The following DOCK2 variants were observed in gnomAD, a reference collection of about 807,000 sequenced individuals.
The protein encoded by DOCK2 is dedicator of cytokinesis protein 2.
In DOCK2, 87 loss-of-function variants were observed where a neutral mutation model predicts 248.9. The ratio of observed to expected loss-of-function variants is 0.35; its 90% CI spans 0.29 to 0.42. The LOEUF (loss-of-function observed/expected upper bound fraction) is 0.42. Ranked by LOEUF, DOCK2 falls within the 10% of genes least tolerant of loss-of-function variation. DOCK2 has a pLI of 1.00. For missense variants in DOCK2, 1,747 were observed against 2,300.2 expected (o/e 0.76, Z 4.92); for synonymous variants, 805 against 821.6 (o/e 0.98, Z 0.35).
intron 27 of DOCK2, among the ~76,000 whole-genome samples, chr5:169,854,006 T>G (rs1372915505): frequency 2.0e-5 from 3 of 150,728 alleles, no homozygotes; most frequent in Admixed American, 2.0e-4. Context: ...GGGCTAATTT[T>G]TTGTGTTATT....
At chr5:169,706,576 C>G (rs1490148269) in intron 14 of DOCK2, among the ~76,000 whole-genome samples, 1 of 152,156 alleles carries the variant, frequency 6.6e-6, no homozygotes, top group Non-Finnish European at 1.5e-5. Context: ...AAAGCCCACT[C>G]TAAATGGTTA....
chr5:169,936,578 C>CTTTT lies in DOCK2; in HGVS notation c.2800-46472_2800-46469dup, dbSNP rs4041977. Among the ~76,000 whole-genome samples, 764 of 122,784 alleles carry CTTTT rather than the reference C, an allele frequency of 6.2e-3. 12 individuals are homozygous for CTTTT. Among genetic ancestry groups the CTTTT allele is most frequent in the African/African-American group, 0.023 (701 of 31,038 alleles). The allele number at this position is 122,784 out of a possible 152,430, so 80.6% of individuals were successfully genotyped here. A position where few individuals can be genotyped will look rare whatever the true frequency, so the allele number is the denominator to read the frequency against. On this transcript the variant is annotated intron_variant, in intron 27 of 51. Transcript: ENST00000520908. ...AGAATCATTGGTGATTCTCAGACTC[C>CTTTT]TTTTTTTTTTTTTTTTTTTTTATGA... is the stretch of plus-strand genomic sequence containing the variant.
At chr5:169,666,172 C>A (rs1758718975) in intron 2 of DOCK2, among the ~76,000 whole-genome samples, 1 of 152,088 alleles carries the variant, frequency 6.6e-6, no homozygotes, top group South Asian at 2.1e-4. Context: ...GTGTTCTTGT[C>A]ATAGCCTCTC....
chr5:169,890,022 C>T lies in DOCK2; in HGVS notation c.2799+49170C>T, dbSNP rs557806291. 1.1e-4 allele frequency among the ~76,000 whole-genome samples: 16 copies of T among 152,328 alleles called. No individual in the cohort carries two copies. In the East Asian group the frequency reaches 3.1e-3, roughly 29 times the overall value. On this transcript the variant is annotated intron_variant, in intron 27 of 51. Transcript: ENST00000520908. ...AAGCATTTTCAAATCCCATGTAATC[C>T]CCACTAGGGAGGCTGGGAAGCATTA...
At chr5:169,991,537 T>C (rs1054226075) in intron 29 of DOCK2, among the ~76,000 whole-genome samples, 1 of 152,226 alleles carries the variant, frequency 6.6e-6, no homozygotes, top group Non-Finnish European at 1.5e-5. Flanking sequence ...TGTCCAGGCT[T>C]GGGTATTTCC....
intron 26 of DOCK2, among the ~76,000 whole-genome samples, chr5:169,838,902 G>A (rs753634382): frequency 2.0e-4 from 30 of 152,146 alleles, no homozygotes; most frequent in Admixed American, 1.3e-3. Flanking sequence ...ATTGGGGCAG[G>A]GGGAGGACAT....
chr5:169,659,057 G>A (rs1337852341), intron 2 of DOCK2, among the ~76,000 whole-genome samples: 1 of 148,954 alleles, frequency 6.7e-6, no homozygotes, highest in African/African-American at 2.5e-5. Context: ...TCTCTTTGTT[G>A]CCCAGTCTGG....
intron 27 of DOCK2, chr5:169,864,586 C>G (rs2113422730): frequency 1.4e-6 from 1 of 738,406 alleles, no homozygotes; most frequent in East Asian, 2.8e-5. Flanking sequence ...CCTTAGGTAC[C>G]TACTGGCTCT....
At chr5:169,914,447 G>A (rs1774768816) in intron 27 of DOCK2, among the ~76,000 whole-genome samples, 1 of 152,170 alleles carries the variant, frequency 6.6e-6, no homozygotes, top group Non-Finnish European at 1.5e-5. Context: ...ACAGGCTCCT[G>A]TTTTATGGGG....
chr5:169,715,593 T>C (rs1761852599), intron 19 of DOCK2, among the ~76,000 whole-genome samples: 1 of 151,480 alleles, frequency 6.6e-6, no homozygotes, highest in Non-Finnish European at 1.5e-5. Context: ...GCATTCTTTT[T>C]TCTTTTTTTT....
At chr5:169,737,424 A>G (rs1019231773) in intron 22 of DOCK2, among the ~76,000 whole-genome samples, 58 of 152,272 alleles carry the variant, frequency 3.8e-4, no homozygotes, top group Non-Finnish European at 7.2e-4. Flanking sequence ...GATATTATGA[A>G]GTGTATACTT....
intron 27 of DOCK2, among the ~76,000 whole-genome samples, chr5:169,887,602 T>G (rs1773045211): frequency 6.6e-6 from 1 of 152,262 alleles, no homozygotes; most frequent in Non-Finnish European, 1.5e-5. Context: ...TGTCTAGTTA[T>G]ACAATTATCT....
chr5:170,016,108 C>T (rs974443226), intron 32 of DOCK2, among the ~76,000 whole-genome samples: 1 of 152,186 alleles, frequency 6.6e-6, no homozygotes, highest in African/African-American at 2.4e-5. Context: ...CTGAGCTCTT[C>T]TCTGTGCTTA....
intron 27 of DOCK2, among the ~76,000 whole-genome samples, chr5:169,913,516 G>A (rs752960494): frequency 2.6e-5 from 4 of 152,134 alleles, no homozygotes; most frequent in Non-Finnish European, 5.9e-5. Context: ...TTGGGAGATG[G>A]TGTTTAAATG....
chr5:169,714,842 A>G (rs1392352103), intron 19 of DOCK2, among the ~76,000 whole-genome samples: 1 of 152,236 alleles, frequency 6.6e-6, no homozygotes, highest in African/African-American at 2.4e-5. Context: ...ATAGTACACA[A>G]CAATTAAACC....
Position 169,714,368 on chromosome 5 carries a change from C to G in DOCK2, c.1852C>G (p.Leu618Val). 6.2e-7 allele frequency: 1 copy of G among 1,613,994 alleles called. No individual in the cohort carries two copies. Among genetic ancestry groups the G allele is most frequent in the Non-Finnish European group, 8.5e-7 (1 of 1,179,968 alleles). ...TCTGGACTCTATTTTAGTGGGCTTG[C>G]TGGGTTTGCTGAAGTGGCGTATGAA... Reference protein sequence around the residue: ...STKLTQNVGLLGLLKWRMKPQ... With the variant: ...STKLTQNVGLVGLLKWRMKPQ... Residue 618 changes from leucine to valine, a missense_variant, in exon 19 of 52, where the codon CTG becomes GTG. This residue lies in a region of DOCK2 where 858 missense variants were observed against 1,183.5 expected (regional missense o/e 0.72). Transcript: ENST00000520908.
chr5:169,775,511 C>T (rs1453246185), intron 25 of DOCK2, among the ~76,000 whole-genome samples: 1 of 151,858 alleles, frequency 6.6e-6, no homozygotes, highest in Non-Finnish European at 1.5e-5. Flanking sequence ...ACAGACAAAA[C>T]CTACAGATGG....
chr5:170,019,599 G>A (rs1755652346), intron 33 of DOCK2, among the ~76,000 whole-genome samples: 1 of 152,184 alleles, frequency 6.6e-6, no homozygotes, highest in Non-Finnish European at 1.5e-5. Context: ...GGATCTGTGA[G>A]GGAATAGGAC....
intron 26 of DOCK2, among the ~76,000 whole-genome samples, chr5:169,834,856 A>G (rs1769460267): frequency 6.6e-6 from 1 of 152,278 alleles, no homozygotes; most frequent in South Asian, 2.1e-4. Flanking sequence ...AGAGAGTGAA[A>G]ACAAGCAAAC....
Sources: allele counts gnomAD v4.1 joint callset (sites outside exome capture counted in the v4.1 genomes callset), GRCh38; gene constraint gnomAD v4.1.1; regional missense constraint gnomAD v4.1.1; transcripts MANE v1.5; gene names NCBI Gene and HGNC (gene_info 2026-07-23, HGNC 2026-07-21).